Variants in ADGRB3 observed in about 807,000 individuals in gnomAD.
ADGRB3 encodes the protein adhesion G protein-coupled receptor B3.
Under a neutral mutation model 193.4 loss-of-function variants are expected in ADGRB3, and 37 were observed. That is an observed-to-expected ratio of 0.19 (90% CI 0.15 to 0.25). The LOEUF (loss-of-function observed/expected upper bound fraction) is 0.25, where lower values mean the gene tolerates loss of function less well. Ranked by LOEUF, ADGRB3 falls within the 10% of genes least tolerant of loss-of-function variation. ADGRB3 has a pLI of 1.00. For missense variants in ADGRB3, 1,637 were observed against 1,852.9 expected, an observed-to-expected ratio of 0.88 and a Z score of 2.14; for synonymous variants, 690 against 644.2, an observed-to-expected ratio of 1.07 and a Z score of -1.08.
intron 3 of ADGRB3, among the ~76,000 whole-genome samples, chr6:68,735,474 G>T (rs529448651): frequency 8.9e-4 from 135 of 152,060 alleles, no homozygotes; most frequent in African/African-American, 2.8e-3. Context: ...AAATAGAAAA[G>T]ATATCTATTA....
intron 20 of ADGRB3, among the ~76,000 whole-genome samples, chr6:69,272,753 G>A (rs1767209074): frequency 6.6e-6 from 1 of 152,190 alleles, no homozygotes; most frequent in Non-Finnish European, 1.5e-5. Flanking sequence ...TTCTCAAGTA[G>A]GGTAGCTGTA....
At chr6:68,863,904 A>T (rs1765223169) in intron 3 of ADGRB3, among the ~76,000 whole-genome samples, 1 of 152,182 alleles carries the variant, frequency 6.6e-6, no homozygotes, top group Non-Finnish European at 1.5e-5. Flanking sequence ...CGATAAGTAA[A>T]TGGCATATGC....
At chr6:69,337,536 G>A (rs1378507611) in intron 24 of ADGRB3, among the ~76,000 whole-genome samples, 5 of 152,112 alleles carry the variant, frequency 3.3e-5, no homozygotes, top group African/African-American at 7.2e-5. Flanking sequence ...ACACATCGGC[G>A]TGTCCAATAA....
intron 3 of ADGRB3, among the ~76,000 whole-genome samples, chr6:68,920,851 G>C (rs886958124): frequency 4.6e-5 from 7 of 152,248 alleles, no homozygotes; most frequent in Admixed American, 4.6e-4. Flanking sequence ...AAATGTAATG[G>C]TTTGGTAATA....
intron 8 of ADGRB3, among the ~76,000 whole-genome samples, chr6:68,960,425 A>G (rs956186950): frequency 6.6e-6 from 1 of 152,134 alleles, no homozygotes; most frequent in Non-Finnish European, 1.5e-5. Flanking sequence ...AGTGTTGGTA[A>G]TGCAAAATTT....
intron 11 of ADGRB3, among the ~76,000 whole-genome samples, chr6:69,001,116 C>T (rs550670264): frequency 5.9e-5 from 9 of 152,024 alleles, no homozygotes; most frequent in Non-Finnish European, 1.3e-4. Context: ...TATGAATTTT[C>T]GAAAGAGGTC....
intron 6 of ADGRB3, 106 bp from the exon 7 acceptor site, chr6:68,955,918 T>C: frequency 9.3e-7 from 1 of 1,074,384 alleles, no homozygotes. Context: ...TCATTCATAG[T>C]CCATTGATTG....
At chr6:69,254,526 A>G (rs1238392364) in intron 20 of ADGRB3, among the ~76,000 whole-genome samples, 1 of 152,064 alleles carries the variant, frequency 6.6e-6, no homozygotes, top group Non-Finnish European at 1.5e-5. Context: ...ATGTAGCATA[A>G]CTATCTTTAT....
At chr6:69,261,464 T>C (rs1224922478) in intron 20 of ADGRB3, among the ~76,000 whole-genome samples, 1 of 152,126 alleles carries the variant, frequency 6.6e-6, no homozygotes, top group Non-Finnish European at 1.5e-5. Flanking sequence ...ATGGGAATTG[T>C]TATATAAATA....
intron 17 of ADGRB3, among the ~76,000 whole-genome samples, chr6:69,210,445 C>T (rs79491871): frequency 0.15 from 22,030 of 151,862 alleles, 1,642 homozygotes; most frequent in Middle Eastern, 0.16. Context: ...TGTCTTTCCC[C>T]GCCTACGGAC....
At chr6:68,913,756 G>A (rs1018783224) in intron 3 of ADGRB3, among the ~76,000 whole-genome samples, 3 of 152,042 alleles carry the variant, frequency 2.0e-5, no homozygotes, top group African/African-American at 7.2e-5. Context: ...AACTACAGGA[G>A]GAAATTCAAA....
intron 17 of ADGRB3, among the ~76,000 whole-genome samples, chr6:69,172,969 G>C (rs1775322570): frequency 6.6e-6 from 1 of 152,226 alleles, no homozygotes; most frequent in Non-Finnish European, 1.5e-5. Context: ...GTTATAGGCA[G>C]GGCCTGGATC....
chr6:69,381,805 A>C (rs576857254), intron 30 of ADGRB3, among the ~76,000 whole-genome samples: 2 of 152,084 alleles, frequency 1.3e-5, no homozygotes, highest in South Asian at 2.1e-4. Flanking sequence ...ATACCTATGC[A>C]AACCACAGGC....
At chr6:69,145,568 G>A (rs547323838) in intron 17 of ADGRB3, among the ~76,000 whole-genome samples, 25 of 152,314 alleles carry the variant, frequency 1.6e-4, no homozygotes, top group Admixed American at 9.1e-4. Flanking sequence ...AGCTCTTTCA[G>A]CCCTGGCATT....
rs1766230052 is a variant in ADGRB3, at chr6:69,235,015, T to C, written c.2608-17T>C. On this transcript the variant is annotated splice_polypyrimidine_tract_variant and intron_variant, in intron 18 of 31. Transcript: ENST00000370598. ...TAAAAACCAATTTGTTTCTTTTTTGTTTTGTTTAATTCACAGATCATGGAA... is the reference window on the plus strand; with the variant it reads ...TAAAAACCAATTTGTTTCTTTTTTGCTTTGTTTAATTCACAGATCATGGAA... 1.9e-6 allele frequency: 3 copies of C among 1,576,628 alleles called. No individual in the cohort carries two copies. Among genetic ancestry groups the C allele is most frequent in the African/African-American group, 2.7e-5 (2 of 73,612 alleles).
At chr6:68,877,709 A>G (rs1281779638) in intron 3 of ADGRB3, among the ~76,000 whole-genome samples, 1 of 152,156 alleles carries the variant, frequency 6.6e-6, no homozygotes, top group Non-Finnish European at 1.5e-5. Context: ...AAAATACTTT[A>G]CATTTATGTA....
chr6:69,273,550 G>T (rs1767227123), intron 20 of ADGRB3, among the ~76,000 whole-genome samples: 1 of 152,194 alleles, frequency 6.6e-6, no homozygotes, highest in Admixed American at 6.5e-5. Flanking sequence ...ATAAAGTCTG[G>T]AATTGAGATT....
chr6:68,888,463 T>G (rs1216498939), intron 3 of ADGRB3, among the ~76,000 whole-genome samples: 1 of 151,830 alleles, frequency 6.6e-6, no homozygotes, highest in Non-Finnish European at 1.5e-5. Flanking sequence ...AGGATAAAAT[T>G]GATATTGTGG....
At position 68,736,353 on chromosome 6, in the gene ADGRB3, A is replaced by G. The variant is rs542243159; in HGVS notation, c.757+96921A>G. Among the ~76,000 whole-genome samples, 31 of 152,296 alleles carry G rather than the reference A, an allele frequency of 2.0e-4. No homozygotes were observed. In the South Asian group the frequency reaches 6.4e-3, roughly 32 times the overall value. ...TCTTTAAAAATTTTACAACATAATT[A>G]ACATTGAATATCTCTATTGTAATAA... On this transcript the variant is annotated intron_variant, in intron 3 of 31. Coordinates refer to ENST00000370598, the MANE Select transcript of ADGRB3 (RefSeq NM_001704.3).
Sources: gnomAD v4.1 joint callset for allele counts (sites outside exome capture counted in the v4.1 genomes callset) on GRCh38, gnomAD v4.1.1 for gene constraint, MANE v1.5 for transcripts, NCBI Gene and HGNC (gene_info 2026-07-23, HGNC 2026-07-21) for gene names.